Variants in BARD1 observed in about 807,000 individuals in gnomAD.
BARD1 encodes the protein BRCA1-associated RING domain protein 1.
Under a neutral mutation model 77.0 loss-of-function variants are expected in BARD1, and 73 were observed. That is an observed-to-expected ratio of 0.95 (90% CI 0.79 to 1.15). The LOEUF (loss-of-function observed/expected upper bound fraction) is 1.15, where lower values mean the gene tolerates loss of function less well. Ranked by LOEUF, BARD1 falls within the 50% of genes most tolerant of loss-of-function variation. BARD1 has a pLI of 0.00. For synonymous variants in BARD1, 384 were observed against 338.0 expected, an observed-to-expected ratio of 1.14 and a Z score of -1.49; for missense variants, 993 against 938.8, an observed-to-expected ratio of 1.06 and a Z score of -0.75.
chr2:214,758,204 G>A (rs576575478), intron 6 of BARD1, among the ~76,000 whole-genome samples: 1 of 152,132 alleles, frequency 6.6e-6, no homozygotes, highest in Non-Finnish European at 1.5e-5. Context: ...TTTCAGCCCT[G>A]CCACTCAAAA....
chr2:214,767,370 G>T, intron 6 of BARD1, 112 bp downstream of exon 6: 1 of 1,032,744 alleles, frequency 9.7e-7, no homozygotes, highest in South Asian at 1.4e-5. Flanking sequence ...AATTTTAGTT[G>T]TGAAAGTGAA....
rs1050550011 is a variant in BARD1, at chr2:214,728,089, T to C, written c.*587A>G. On this transcript the variant is annotated 3_prime_UTR_variant, in exon 11 of 11. Coordinates refer to ENST00000260947, the MANE Select transcript of BARD1 (RefSeq NM_000465.4). ...TGATTAAATCACAATTTCCTGATGA[T>C]ATACAAGATAAAAAACAGGGATGAA... is the stretch of plus-strand genomic sequence containing the variant. The C allele has an allele frequency of 4.8e-5, 11 of 228,186 alleles. No individual in the cohort carries two copies. The highest frequency in any genetic ancestry group is 8.7e-5 in the Non-Finnish European group (10 of 115,094). The allele number at this position is 228,186 out of a possible 1,614,324, so 14.1% of individuals were successfully genotyped here.
At chr2:214,758,800 T>C (rs565155106) in intron 6 of BARD1, among the ~76,000 whole-genome samples, 2 of 152,266 alleles carry the variant, frequency 1.3e-5, no homozygotes, top group Non-Finnish European at 2.9e-5. Flanking sequence ...CCCTCAGTAA[T>C]AATATGGCAG....
In BARD1 at chr2:214,779,310, T is replaced by C. The variant is rs944564267; in HGVS notation, c.1314+1250A>G. On this transcript the variant is annotated intron_variant, in intron 4 of 10. Transcript: ENST00000260947. The stretch of plus-strand genomic sequence containing the variant: ...AATAACCTACAGAGATCCTCCAGTA[T>C]ACTTTAAATCATCTCTAAATTACTT... 4.6e-5 allele frequency among the ~76,000 whole-genome samples: 7 copies of C among 152,230 alleles called. No homozygotes were observed. In the South Asian group the frequency reaches 8.3e-4, roughly 18 times the overall value.
chr2:214,755,253 A>G (rs1693641184), intron 6 of BARD1, among the ~76,000 whole-genome samples: 1 of 152,202 alleles, frequency 6.6e-6, no homozygotes, highest in South Asian at 2.1e-4. Context: ...ATACAAGGGA[A>G]GAAGACTCTT....
intron 6 of BARD1, among the ~76,000 whole-genome samples, chr2:214,765,763 C>G (rs866838813): frequency 6.6e-6 from 1 of 152,166 alleles, no homozygotes; most frequent in Non-Finnish European, 1.5e-5. Context: ...CACACACACA[C>G]ACACACAAAT....
intron 1 of BARD1, among the ~76,000 whole-genome samples, chr2:214,805,858 T>C (rs1696246549): frequency 6.6e-6 from 1 of 152,182 alleles, no homozygotes; most frequent in African/African-American, 2.4e-5. Flanking sequence ...ACAATTGTCA[T>C]AGATGTCTAA....
intron 1 of BARD1, among the ~76,000 whole-genome samples, chr2:214,806,205 CCAG>C (rs1229441997): frequency 3.3e-5 from 5 of 152,176 alleles, no homozygotes; most frequent in African/African-American, 4.8e-5. Flanking sequence ...TCCACCCTCA[CCAG>C]CAAGTAATGC....
chr2:214,752,631 T>C, intron 6 of BARD1, 76 bp from the exon 7 acceptor site: 2 of 1,030,390 alleles, frequency 1.9e-6, no homozygotes, highest in Non-Finnish European at 1.5e-6. Context: ...TCCTTAATAA[T>C]ATACAATTTT....
chr2:214,790,523 A>G lies in BARD1; in HGVS notation c.364+1774T>C, dbSNP rs1216131818. ...AACAGGTTCTGTCTCACAGACCTCA[A>G]CAAAGAACCAACCTTGCATACACTT... On this transcript the variant is annotated intron_variant, in intron 3 of 10. Coordinates refer to ENST00000260947, the MANE Select transcript of BARD1 (RefSeq NM_000465.4). Among the ~76,000 whole-genome samples, 3 of 152,296 alleles carry G rather than the reference A, an allele frequency of 2.0e-5. No homozygotes were observed. The South Asian group carries it at 6.2e-4, about 32-fold the overall frequency.
At chr2:214,737,496 C>T (rs1029830991) in intron 9 of BARD1, among the ~76,000 whole-genome samples, 8 of 152,108 alleles carry the variant, frequency 5.3e-5, no homozygotes, top group African/African-American at 1.9e-4. Context: ...AAGGTTGCCA[C>T]TGTCTAACTT....
At position 214,809,443 on chromosome 2, in the gene BARD1, G is replaced by T. The variant is rs752871324; in HGVS notation, c.127C>A (p.Arg43Ser). Residue 43 changes from arginine (R) to serine (S), a missense_variant, in exon 1 of 11, where the codon CGC becomes AGC. Physicochemically the swap from Arg to Ser is moderately radical, Grantham distance 110. Coordinates refer to ENST00000260947, the MANE Select transcript of BARD1 (RefSeq NM_000465.4). ...GAGCAGCGCAGCAGCTTCTCCAGGC[G>T]GTCGAGCGCGGCGCGACTGTGGGCC... is the stretch of plus-strand genomic sequence containing the variant. Reference protein sequence around the residue: ...AWAHSRAALDRLEKLLRCSRC... With the variant: ...AWAHSRAALDSLEKLLRCSRC... 5.6e-6 allele frequency: 9 copies of T among 1,611,782 alleles called. No homozygotes were observed. In the East Asian group the frequency reaches 1.6e-4, roughly 28 times the overall value.
chr2:214,786,681 C>A (rs1002828803), intron 3 of BARD1, among the ~76,000 whole-genome samples: 1 of 151,940 alleles, frequency 6.6e-6, no homozygotes, highest in African/African-American at 2.4e-5. Context: ...TCACTTCCTG[C>A]AGATGAAATG....
At chr2:214,777,532 G>A (rs1035736696) in intron 4 of BARD1, among the ~76,000 whole-genome samples, 4 of 151,862 alleles carry the variant, frequency 2.6e-5, no homozygotes, top group Non-Finnish European at 4.4e-5. Flanking sequence ...ACAATACAAC[G>A]CAAGTCTAAA....
At chr2:214,767,211 T>A (rs182526075) in intron 6 of BARD1, among the ~76,000 whole-genome samples, 7 of 152,334 alleles carry the variant, frequency 4.6e-5, no homozygotes, top group African/African-American at 1.2e-4. Context: ...ACATTTTTTT[T>A]ATCCGATCTG....
At chr2:214,782,124 A>G (rs951104695) in intron 3 of BARD1, among the ~76,000 whole-genome samples, 5 of 152,214 alleles carry the variant, frequency 3.3e-5, no homozygotes, top group African/African-American at 1.2e-4. Flanking sequence ...CAAAATGAAT[A>G]AAGGGGATTA....
At chr2:214,740,459 T>A (rs1692770630) in intron 9 of BARD1, among the ~76,000 whole-genome samples, 1 of 152,060 alleles carries the variant, frequency 6.6e-6, no homozygotes. Flanking sequence ...TTTTTAAAAC[T>A]GTTATAAACA....
intron 1 of BARD1, among the ~76,000 whole-genome samples, chr2:214,798,443 C>T (rs1195895548): frequency 6.6e-6 from 1 of 152,154 alleles, no homozygotes; most frequent in Non-Finnish European, 1.5e-5. Context: ...AACCTAACCT[C>T]CTTTTCCCCA....
chr2:214,772,736 T>A (rs1694563654), intron 4 of BARD1, among the ~76,000 whole-genome samples: 1 of 152,238 alleles, frequency 6.6e-6, no homozygotes, highest in East Asian at 1.9e-4. Flanking sequence ...TTGAAAGTTT[T>A]GTCATATTTT....
Sources: gnomAD v4.1 joint callset for allele counts (sites outside exome capture counted in the v4.1 genomes callset) on GRCh38, gnomAD v4.1.1 for gene constraint, MANE v1.5 for transcripts, NCBI Gene and HGNC (gene_info 2026-07-23, HGNC 2026-07-21) for gene names.